The following CDH20 variants were observed in gnomAD, a reference collection of about 807,000 sequenced individuals.
CDH20 encodes cadherin-20.
In CDH20, 29 loss-of-function variants were observed where a neutral mutation model predicts 74.2. That is an observed-to-expected ratio of 0.39 (90% CI 0.29 to 0.53). The LOEUF is 0.53. CDH20 is among the 20% of genes least tolerant of loss of function. The probability of loss-of-function intolerance (pLI) is 0.69; values close to 1 mark genes in which losing one functional copy is unlikely to be tolerated. For synonymous variants in CDH20, 469 were observed against 405.4 expected (o/e 1.16, Z -1.88); for missense variants, 988 against 1,048.3 (o/e 0.94, Z 0.79).
In CDH20 at chr18:61,528,170, C is replaced by T; in HGVS notation, c.1221C>T (p.Thr407=). 2 of 1,614,066 alleles carry T rather than the reference C, an allele frequency of 1.2e-6. No homozygotes were observed. Among genetic ancestry groups the T allele is most frequent in the Non-Finnish European group, 1.7e-6 (2 of 1,179,992 alleles). Residue 407 remains threonine, a synonymous_variant, in exon 7 of 12, where the codon ACC becomes ACT. Transcript: ENST00000262717. The stretch of plus-strand genomic sequence containing the variant: ...CTGAGGATGTGGCGATTGGAACAAC[C>T]ATACAGATCATTTCTGCCAAGGACC... ...EVPEDVAIGT[T]IQIISAKDPD...
chr18:61,528,287 T>C, intron 7 of CDH20, 67 bp downstream of exon 7: 1 of 1,512,996 alleles, frequency 6.6e-7, no homozygotes, highest in Non-Finnish European at 9.1e-7. Flanking sequence ...TGTAATTTTC[T>C]AGCACTTTTC....
intron 1 of CDH20, among the ~76,000 whole-genome samples, chr18:61,350,272 C>T (rs753064179): frequency 3.3e-5 from 5 of 152,108 alleles, no homozygotes; most frequent in Non-Finnish European, 7.4e-5. Context: ...TTCTGGCCCT[C>T]ATCATTTTTA....
intron 1 of CDH20, among the ~76,000 whole-genome samples, chr18:61,404,195 C>G (rs1912248686): frequency 6.6e-6 from 1 of 152,054 alleles, no homozygotes; most frequent in African/African-American, 2.4e-5. Flanking sequence ...CCTGCACGTC[C>G]TGCACATGTA....
At chr18:61,478,246 T>G (rs1479645199) in intron 1 of CDH20, among the ~76,000 whole-genome samples, 1 of 152,106 alleles carries the variant, frequency 6.6e-6, no homozygotes, top group East Asian at 1.9e-4. Context: ...ATTGATCATT[T>G]TATTTCTGCC....
intron 1 of CDH20, among the ~76,000 whole-genome samples, chr18:61,465,538 A>G (rs1909929773): frequency 6.6e-6 from 1 of 152,146 alleles, no homozygotes; most frequent in South Asian, 2.1e-4. Context: ...TTGATCTCCA[A>G]AACATTTTTA....
chr18:61,454,455 C>T (rs7243900), intron 1 of CDH20, among the ~76,000 whole-genome samples: 4,762 of 152,190 alleles, frequency 0.031, 261 homozygotes, highest in African/African-American at 0.11. Context: ...AACTTATTTT[C>T]GTTTATTTGA....
intron 1 of CDH20, among the ~76,000 whole-genome samples, chr18:61,370,009 C>T (rs1214648418): frequency 6.6e-6 from 1 of 151,926 alleles, no homozygotes; most frequent in African/African-American, 2.4e-5. Flanking sequence ...CAACAAAGCC[C>T]CATGACACAA....
intron 1 of CDH20, among the ~76,000 whole-genome samples, chr18:61,435,811 C>T (rs114167761): frequency 0.044 from 6,710 of 151,756 alleles, 175 homozygotes; most frequent in Middle Eastern, 0.12. Flanking sequence ...ATTTAAAGTG[C>T]AAATTCAATG....
At chr18:61,391,627 T>C (rs1306029523) in intron 1 of CDH20, 2 of 152,162 alleles carry the variant, frequency 1.3e-5, no homozygotes, top group African/African-American at 4.8e-5. Flanking sequence ...TATACTAAAA[T>C]TGGAATGATA....
At chr18:61,358,289 A>AT (rs879463005) in intron 1 of CDH20, among the ~76,000 whole-genome samples, 88 of 137,696 alleles carry the variant, frequency 6.4e-4, no homozygotes, top group South Asian at 7.1e-4. Flanking sequence ...TAATTTTTGT[A>AT]TTTTTTTTTT....
At chr18:61,450,356 G>A (rs189283630) in intron 1 of CDH20, among the ~76,000 whole-genome samples, 2 of 142,828 alleles carry the variant, frequency 1.4e-5, no homozygotes, top group African/African-American at 5.2e-5. Flanking sequence ...CACACAGCCA[G>A]AGGAAAATGA....
intron 6 of CDH20, among the ~76,000 whole-genome samples, chr18:61,521,026 G>C (rs1486304276): frequency 6.6e-6 from 1 of 150,932 alleles, no homozygotes; most frequent in Non-Finnish European, 1.5e-5. Flanking sequence ...AGAGAAGCAA[G>C]AGCAAATAAA....
At chr18:61,502,320 T>A (rs564914310) in intron 4 of CDH20, among the ~76,000 whole-genome samples, 2 of 152,014 alleles carry the variant, frequency 1.3e-5, no homozygotes, top group Non-Finnish European at 2.9e-5. Flanking sequence ...ATGGTAAAAA[T>A]AAACAGCTCA....
At chr18:61,340,785 T>G (rs1344302783) in intron 1 of CDH20, among the ~76,000 whole-genome samples, 1 of 152,224 alleles carries the variant, frequency 6.6e-6, no homozygotes, top group Non-Finnish European at 1.5e-5. Context: ...AACCATAATT[T>G]GTTTTTAAGC....
rs369517238 is a variant in CDH20, at chr18:61,515,303, G to A, written c.1017+7743G>A. Reference sequence around the variant, plus strand: ...CACCCCTTTCTTTGACTCGGAAAGGGAACTCCCTGACCCCTTGTGCTTCCC... The same window carrying A: ...CACCCCTTTCTTTGACTCGGAAAGGAAACTCCCTGACCCCTTGTGCTTCCC... On this transcript the variant is annotated intron_variant, in intron 6 of 11. Coordinates refer to ENST00000262717, the MANE Select transcript of CDH20 (RefSeq NM_031891.4). 7.2e-5 allele frequency among the ~76,000 whole-genome samples: 11 copies of A among 152,256 alleles called. No individual in the cohort carries two copies. In the East Asian group the frequency reaches 1.8e-3, roughly 24 times the overall value.
At chr18:61,516,692 C>T (rs1912013750) in intron 6 of CDH20, among the ~76,000 whole-genome samples, 1 of 151,998 alleles carries the variant, frequency 6.6e-6, no homozygotes, top group Admixed American at 6.6e-5. Flanking sequence ...AGGACACAAA[C>T]TATTCAAGAG....
chr18:61,395,808 G>A (rs1223944580), intron 1 of CDH20, among the ~76,000 whole-genome samples: 1 of 152,196 alleles, frequency 6.6e-6, no homozygotes, highest in Non-Finnish European at 1.5e-5. Flanking sequence ...GCCAAGGCGG[G>A]CAGATCATGA....
At chr18:61,470,392 A>G (rs542676780) in intron 1 of CDH20, among the ~76,000 whole-genome samples, 2 of 152,358 alleles carry the variant, frequency 1.3e-5, no homozygotes, top group South Asian at 4.1e-4. Context: ...AAAGGAACCG[A>G]TAAGCCTGAG....
chr18:61,524,724 C>G (rs944340063), intron 6 of CDH20, among the ~76,000 whole-genome samples: 1 of 152,164 alleles, frequency 6.6e-6, no homozygotes, highest in Non-Finnish European at 1.5e-5. Flanking sequence ...AGTTCAAGAC[C>G]AGCCTGGCCC....
Sources: allele counts gnomAD v4.1 joint callset (sites outside exome capture counted in the v4.1 genomes callset), GRCh38; gene constraint gnomAD v4.1.1; transcripts MANE v1.5; gene names NCBI Gene and HGNC (gene_info 2026-07-23, HGNC 2026-07-21).